Variants in CTNNA3 observed in about 807,000 individuals in gnomAD.
The protein encoded by CTNNA3 is catenin alpha 3, also known as catenin alpha-3.
CTNNA3 carries 76 observed loss-of-function variants against 95.7 expected under a neutral mutation model. The observed-to-expected ratio is 0.79, with a 90% CI of 0.66 to 0.96. CTNNA3 has a LOEUF of 0.96. Among genes scored for constraint, CTNNA3 ranks in the 40% least tolerant of loss-of-function variants. CTNNA3 has a pLI of 0.00. For synonymous variants in CTNNA3, 431 were observed against 374.4 expected (o/e 1.15, Z -1.74); for missense variants, 1,191 against 1,089.8 (o/e 1.09, Z -1.31).
chr10:67,474,413 G>A (rs1169473946), intron 5 of CTNNA3, among the ~76,000 whole-genome samples: 3 of 152,188 alleles, frequency 2.0e-5, no homozygotes, highest in Non-Finnish European at 4.4e-5. Flanking sequence ...AAAACCATGT[G>A]AGGATACAGC....
At chr10:67,619,497 A>T (rs915984187) in intron 2 of CTNNA3, among the ~76,000 whole-genome samples, 8 of 152,200 alleles carry the variant, frequency 5.3e-5, no homozygotes, top group African/African-American at 1.9e-4. Flanking sequence ...ATGTAAGACC[A>T]AAAATTATGA....
intron 12 of CTNNA3, among the ~76,000 whole-genome samples, chr10:66,378,712 G>T (rs1387274094): frequency 6.6e-6 from 1 of 152,166 alleles, no homozygotes; most frequent in Non-Finnish European, 1.5e-5. Context: ...TTTGCAAACA[G>T]ACTGCAGATG....
At chr10:66,373,748 T>G (rs1222139118) in intron 12 of CTNNA3, among the ~76,000 whole-genome samples, 1 of 152,248 alleles carries the variant, frequency 6.6e-6, no homozygotes, top group African/African-American at 2.4e-5. Context: ...TTACAGGGAT[T>G]TGCTGGAAGC....
Position 66,332,617 on chromosome 10 carries a change from T to C in CTNNA3, c.1732+46535A>G, listed in dbSNP as rs554084640. On this transcript the variant is annotated intron_variant, in intron 12 of 17. Coordinates refer to ENST00000433211, the MANE Select transcript of CTNNA3 (RefSeq NM_013266.4). ...GGATAAGCTTTTTGATGTGTTACTG[T>C]ATTTGGTTTGCCAGTATTTTATTGA... is the stretch of plus-strand genomic sequence containing the variant. 3.3e-5 allele frequency among the ~76,000 whole-genome samples: 5 copies of C among 152,104 alleles called. No individual in the cohort carries two copies. The East Asian group carries it at 9.7e-4, about 29-fold the overall frequency.
At position 66,083,566 on chromosome 10, in the gene CTNNA3, A is replaced by G. The variant is rs976926721; in HGVS notation, c.1978-14077T>C. 2.0e-5 allele frequency among the ~76,000 whole-genome samples: 3 copies of G among 152,218 alleles called. 1 individual carries two copies. The highest frequency in any genetic ancestry group is 4.4e-5 in the Non-Finnish European group (3 of 68,040). ...ATAAGCCTGGACTATATATAAAAATATTAGACAAGATATTAAAGATTTTGA... is the reference window on the plus strand; with the variant it reads ...ATAAGCCTGGACTATATATAAAAATGTTAGACAAGATATTAAAGATTTTGA... On this transcript the variant is annotated intron_variant, in intron 14 of 17. Transcript: ENST00000433211.
At chr10:66,520,469 A>G in intron 11 of CTNNA3, 148 bp downstream of exon 11, 2 of 577,714 alleles carry the variant, frequency 3.5e-6, no homozygotes, top group South Asian at 2.5e-5. Flanking sequence ...CCAGGCTGGT[A>G]TCGAATCCCT....
intron 2 of CTNNA3, among the ~76,000 whole-genome samples, chr10:67,631,801 G>C (rs539178075): frequency 4.0e-5 from 6 of 150,862 alleles, no homozygotes; most frequent in Admixed American, 4.0e-4. Context: ...ATAAAAAAAA[G>C]TAAATCCTGC....
At chr10:66,280,690 G>A (rs1477914220) in intron 12 of CTNNA3, 69 bp from the exon 13 acceptor site, 4 of 1,233,516 alleles carry the variant, frequency 3.2e-6, no homozygotes, top group Non-Finnish European at 4.4e-6. Flanking sequence ...TAGTTTCCAG[G>A]AAATGTAGAA....
At chr10:67,750,436 T>C in intron 1 of CTNNA3, 1 of 1,490,334 alleles carries the variant, frequency 6.7e-7, no homozygotes, top group African/African-American at 1.4e-5. Flanking sequence ...TCTATCAGAA[T>C]GAACATGAGG....
At chr10:66,987,237 G>A (rs1258686546) in intron 7 of CTNNA3, among the ~76,000 whole-genome samples, 1 of 152,096 alleles carries the variant, frequency 6.6e-6, no homozygotes, top group Non-Finnish European at 1.5e-5. Flanking sequence ...TGAAACGGGT[G>A]GCCACAAAGT....
intron 9 of CTNNA3, among the ~76,000 whole-genome samples, chr10:66,762,284 T>C (rs1839631157): frequency 6.6e-6 from 1 of 152,098 alleles, no homozygotes; most frequent in Non-Finnish European, 1.5e-5. Context: ...TTGTCATTCA[T>C]TGCTAATCAC....
intron 11 of CTNNA3, among the ~76,000 whole-genome samples, chr10:66,440,819 A>C (rs2093369907): frequency 6.6e-6 from 1 of 152,168 alleles, no homozygotes; most frequent in Non-Finnish European, 1.5e-5. Context: ...TAAAGAGATT[A>C]GATTAGGGCC....
chr10:67,589,577 T>C (rs566741703), intron 3 of CTNNA3, among the ~76,000 whole-genome samples: 2 of 152,304 alleles, frequency 1.3e-5, no homozygotes, highest in South Asian at 4.1e-4. Context: ...CTCTTATTTC[T>C]GATTAGAACA....
At chr10:66,518,775 A>C (rs1032589719) in intron 11 of CTNNA3, among the ~76,000 whole-genome samples, 4 of 152,106 alleles carry the variant, frequency 2.6e-5, no homozygotes, top group African/African-American at 9.7e-5. Flanking sequence ...ATCAGTTAGC[A>C]GTGATTATTA....
At chr10:66,646,502 CAT>C (rs1034757329) in intron 9 of CTNNA3, among the ~76,000 whole-genome samples, 15 of 152,194 alleles carry the variant, frequency 9.9e-5, no homozygotes, top group Admixed American at 8.5e-4. Context: ...TCAATAAAGA[CAT>C]GTCTGTATGG....
intron 7 of CTNNA3, among the ~76,000 whole-genome samples, chr10:67,063,277 T>C (rs1038456102): frequency 3.3e-5 from 5 of 152,176 alleles, no homozygotes; most frequent in African/African-American, 1.2e-4. Context: ...TTTTAAAAGA[T>C]GTATTAGTTC....
chr10:67,057,650 T>C (rs1855519119), intron 7 of CTNNA3, among the ~76,000 whole-genome samples: 1 of 152,140 alleles, frequency 6.6e-6, no homozygotes, highest in South Asian at 2.1e-4. Context: ...TTGGTTTACT[T>C]CAAGAAGCAC....
chr10:67,199,517 A>C (rs1863539920), intron 6 of CTNNA3, among the ~76,000 whole-genome samples: 1 of 151,954 alleles, frequency 6.6e-6, no homozygotes, highest in South Asian at 2.1e-4. Flanking sequence ...CTACAGGCGC[A>C]TGCCACCACG....
At chr10:66,256,511 G>A (rs2090782883) in intron 13 of CTNNA3, among the ~76,000 whole-genome samples, 1 of 151,900 alleles carries the variant, frequency 6.6e-6, no homozygotes, top group South Asian at 2.1e-4. Context: ...CCTGAGTTTG[G>A]GAGTTCGAGA....
Sources: gnomAD v4.1 joint callset for allele counts (sites outside exome capture counted in the v4.1 genomes callset) on GRCh38, gnomAD v4.1.1 for gene constraint, MANE v1.5 for transcripts, NCBI Gene and HGNC (gene_info 2026-07-23, HGNC 2026-07-21) for gene names.